Variants in ZNF213 observed in about 807,000 individuals in gnomAD.
ZNF213 encodes putative transcription factor CR53.
In ZNF213, 32 loss-of-function variants were observed where a neutral mutation model predicts 46.0. The ratio of observed to expected loss-of-function variants is 0.70; its 90% CI spans 0.52 to 0.93. The LOEUF (loss-of-function observed/expected upper bound fraction) is 0.93, where lower values mean the gene tolerates loss of function less well. Ranked by LOEUF, ZNF213 falls within the 40% of genes least tolerant of loss-of-function variation. The pLI, the probability that ZNF213 is intolerant of heterozygous loss-of-function variation, is 0.00. For missense variants in ZNF213, 639 were observed against 652.8 expected (o/e 0.98, Z 0.23); for synonymous variants, 297 against 271.0 (o/e 1.10, Z -0.94).
chr16:3,137,259 C>T lies in ZNF213; in HGVS notation c.-22C>T. ...TGGGGCCCAGGTTGAAGCCGACCAA[C>T]CCTGAGCCTCAGGCCAGGGGAATGG... On this transcript the variant is annotated 5_prime_UTR_variant, in exon 2 of 6. Transcript: ENST00000396878. 8.3e-6 allele frequency: 13 copies of T among 1,565,346 alleles called. No individual in the cohort carries two copies. Among genetic ancestry groups the T allele is most frequent in the Non-Finnish European group, 1.1e-5 (13 of 1,155,638 alleles).
In ZNF213 at chr16:3,142,243, C is replaced by T. The variant is rs897795735; in HGVS notation, c.*896C>T. 2.3e-5 allele frequency: 3 copies of T among 128,016 alleles called. No homozygotes were observed. The highest frequency in any genetic ancestry group is 6.2e-5 in the African/African-American group (2 of 32,098). 7.9% of individuals were successfully genotyped at this position (128,016 alleles called of 1,614,324 possible). A position where few individuals can be genotyped will look rare whatever the true frequency, so the allele number is the denominator to read the frequency against. On this transcript the variant is annotated 3_prime_UTR_variant, in exon 6 of 6. Transcript: ENST00000396878. ...GCTCCATCGGCACTAATGCTCCACT[C>T]GGCGCCCCACTCCATCGGCCCCGCT...
chr16:3,141,636 G>A lies in ZNF213; in HGVS notation c.*289G>A, dbSNP rs1242341149. On this transcript the variant is annotated 3_prime_UTR_variant, in exon 6 of 6. Transcript: ENST00000396878. Reference sequence around the variant, plus strand: ...CTGGAGCCCCAACACATTCCTGGCAGGGACAGCAGGGTGGCAAGGACTCAG... The same window carrying A: ...CTGGAGCCCCAACACATTCCTGGCAAGGACAGCAGGGTGGCAAGGACTCAG... The A allele has an allele frequency of 1.7e-5, 8 of 457,338 alleles. No homozygotes were observed. The highest frequency in any genetic ancestry group is 3.1e-5 in the Non-Finnish European group (8 of 258,592). 28.3% of individuals were successfully genotyped at this position (457,338 alleles called of 1,614,324 possible). A position where few individuals can be genotyped will look rare whatever the true frequency, so the allele number is the denominator to read the frequency against.
intron 5 of ZNF213, chr16:3,139,756 T>A (rs949908867): frequency 5.9e-5 from 9 of 152,172 alleles, no homozygotes; most frequent in African/African-American, 2.2e-4. Flanking sequence ...TTCTTTTTTT[T>A]TTTTTTGAGA....
In ZNF213 at chr16:3,141,223, A is replaced by T; in HGVS notation, c.1256A>T (p.His419Leu). The T allele has an allele frequency of 6.2e-7, 1 of 1,612,694 alleles. No individual in the cohort carries two copies. The highest frequency in any genetic ancestry group is 8.5e-7 in the Non-Finnish European group (1 of 1,179,928). The stretch of plus-strand genomic sequence containing the variant: ...TCGCTGCGCTCCTACCTGCTGGACC[A>T]TCGGCGTGTGCACACCGGTGAGCGG... ...SFSLRSYLLD[H>L]RRVHTGERPF... The change falls in exon 6 of 6, where the codon CAT becomes CTT. Residue 419 changes from histidine to leucine, a missense_variant. His to Leu is a moderately conservative substitution (Grantham distance 99, BLOSUM62 -3). Coordinates refer to ENST00000396878, the MANE Select transcript of ZNF213 (RefSeq NM_004220.3).
chr16:3,139,146 C>T, intron 5 of ZNF213, 48 bp downstream of exon 5: 2 of 1,601,424 alleles, frequency 1.2e-6, no homozygotes, highest in East Asian at 4.5e-5. Context: ...CCCGATTCTG[C>T]TGGAACTTCA....
rs760073161 is a variant in ZNF213, at chr16:3,137,343, G to A, written c.63G>A (p.Val21=). 6 of 1,613,356 alleles carry A rather than the reference G, an allele frequency of 3.7e-6. No individual in the cohort carries two copies. The highest frequency in any genetic ancestry group is 4.2e-6 in the Non-Finnish European group (5 of 1,179,628). Residue 21 remains valine (V), a synonymous_variant, in exon 2 of 6, where the codon GTG becomes GTA. Coordinates refer to ENST00000396878, the MANE Select transcript of ZNF213 (RefSeq NM_004220.3). The stretch of plus-strand genomic sequence containing the variant: ...GGGAGGGAGAAGGGCTTCTGATTGT[G>A]AAAGTGGAAGATTCCTCCTGGGAAC... The part of the protein sequence containing the change: ...APGEGEGLLI[V]KVEDSSWEQE...
At position 3,141,720 on chromosome 16, in the gene ZNF213, C is replaced by CA; in HGVS notation, c.*373_*374insA. 4.0e-6 allele frequency: 1 copy of CA among 246,918 alleles called. No homozygotes were observed. The highest frequency in any genetic ancestry group is 7.8e-6 in the Non-Finnish European group (1 of 128,822). 15.3% of individuals were successfully genotyped at this position (246,918 alleles called of 1,614,324 possible). A position where few individuals can be genotyped will look rare whatever the true frequency, so the allele number is the denominator to read the frequency against. ...ATTTGACTGTGTGGCTCTTTGGCCC[C>CA]CACCCTGTGGGGTGGGTCCATGGGT... On this transcript the variant is annotated 3_prime_UTR_variant, in exon 6 of 6. Transcript: ENST00000396878.
At position 3,139,114 on chromosome 16, in the gene ZNF213, C is replaced by T; in HGVS notation, c.721+16C>T. On this transcript the variant is annotated intron_variant, in intron 5 of 5. Transcript: ENST00000396878. ...ACCACCCTGGGTAAGCACCCAGGGC[C>T]TTTGGGTCCAGGCTGGCCGCCCCCG... 6.2e-7 allele frequency: 1 copy of T among 1,612,140 alleles called. No homozygotes were observed. Among genetic ancestry groups the T allele is most frequent in the South Asian group, 1.1e-5 (1 of 90,884 alleles).
intron 3 of ZNF213, 33 bp downstream of exon 3, chr16:3,138,574 G>A (rs758166034): frequency 6.2e-7 from 1 of 1,613,826 alleles, no homozygotes; most frequent in Admixed American, 1.7e-5. Flanking sequence ...GGACAGTCGA[G>A]TGGCTGGGCA....
chr16:3,139,295 T>G, intron 5 of ZNF213, 197 bp downstream of exon 5: 3 of 703,022 alleles, frequency 4.3e-6, no homozygotes, highest in Non-Finnish European at 4.5e-6. Flanking sequence ...GCGCCGGCGC[T>G]GCCCAGCCCT....
chr16:3,137,614 A>C lies in ZNF213; in HGVS notation c.334A>C (p.Ser112Arg). The C allele has an allele frequency of 1.2e-6, 2 of 1,613,936 alleles. No homozygotes were observed. Among genetic ancestry groups the C allele is most frequent in the Non-Finnish European group, 8.5e-7 (1 of 1,180,016 alleles). The change falls in exon 2 of 6, where the codon AGC (serine) becomes CGC (arginine). Residue 112 changes from serine (S) to arginine (R), a missense_variant. Coordinates refer to ENST00000396878, the MANE Select transcript of ZNF213 (RefSeq NM_004220.3). The stretch of plus-strand genomic sequence containing the variant: ...CTGGGTGCGTGAGCAGCACCCGGGA[A>C]GCGGTGAGGAGGCTGTCGCCTTGGT... ...QGWVREQHPGSGEEAVALVED... is the reference protein window; with the variant it reads ...QGWVREQHPGRGEEAVALVED...
rs1957565360 is a variant in ZNF213 at position 3,138,407 on chromosome 16, T to C, written c.400-11T>C. ...TCTCGGGCTGATGAGCATGTTGTGG[T>C]TCCTGCACAGGATGTGCCCTCGGAG... On this transcript the variant is annotated splice_polypyrimidine_tract_variant and intron_variant, in intron 2 of 5. Coordinates refer to ENST00000396878, the MANE Select transcript of ZNF213 (RefSeq NM_004220.3). The C allele has an allele frequency of 7.4e-6, 12 of 1,613,386 alleles. No homozygotes were observed. The highest frequency in any genetic ancestry group is 1.3e-5 in the African/African-American group (1 of 75,032).
chr16:3,136,644 C>A (rs1038423780), intron 1 of ZNF213, among the ~76,000 whole-genome samples: 1 of 151,080 alleles, frequency 6.6e-6, no homozygotes, highest in Non-Finnish European at 1.5e-5. Flanking sequence ...TTGAACCTGG[C>A]AGGCAGAGGT....
chr16:3,140,089 A>T (rs537161926), intron 5 of ZNF213: 1 of 152,228 alleles, frequency 6.6e-6, no homozygotes, highest in Non-Finnish European at 1.5e-5. Flanking sequence ...GTGGAGCTTG[A>T]TATCTGGGGT....
chr16:3,142,275 G>T lies in ZNF213; in HGVS notation c.*928G>T. ...CCACTCCATCGGCCCCGCTCCATCG[G>T]CACTAATGCCCCACTCGGCGCCCCA... On this transcript the variant is annotated 3_prime_UTR_variant, in exon 6 of 6. Coordinates refer to ENST00000396878, the MANE Select transcript of ZNF213 (RefSeq NM_004220.3). 1 of 193,142 alleles carries T rather than the reference G, an allele frequency of 5.2e-6. No individual in the cohort carries two copies. The highest frequency in any genetic ancestry group is 5.9e-5 in the South Asian group (1 of 17,092). The allele number at this position is 193,142 out of a possible 1,614,324, so 12.0% of individuals were successfully genotyped here.
chr16:3,141,487 C>CCCAGCCCGTGGGGTGAGCAG lies in ZNF213; in HGVS notation c.*141_*142insCAGCCCGTGGGGTGAGCAGC. The CCCAGCCCGTGGGGTGAGCAG allele has an allele frequency of 9.7e-7, 1 of 1,028,438 alleles. No individual in the cohort carries two copies. The highest frequency in any genetic ancestry group is 1.4e-6 in the Non-Finnish European group (1 of 732,482). 63.7% of individuals were successfully genotyped at this position (1,028,438 alleles called of 1,614,324 possible). Reference sequence around the variant, plus strand: ...CAGGGTACCTCACACTCGGAGCTCGCCTGCCCTGCTTGGCTCTGAGGACCT... The same window carrying CCCAGCCCGTGGGGTGAGCAG: ...CAGGGTACCTCACACTCGGAGCTCGCCCAGCCCGTGGGGTGAGCAGCTGCCCTGCTTGGCTCTGAGGACCT... On this transcript the variant is annotated 3_prime_UTR_variant, in exon 6 of 6. Coordinates refer to ENST00000396878, the MANE Select transcript of ZNF213 (RefSeq NM_004220.3).
chr16:3,138,683 G>A, intron 3 of ZNF213, 62 bp from the exon 4 acceptor site: 1 of 1,611,558 alleles, frequency 6.2e-7, no homozygotes, highest in South Asian at 1.1e-5. Context: ...AGGCTGGGGA[G>A]GCCATAGGCG....
At position 3,137,307 on chromosome 16, in the gene ZNF213, C is replaced by T. The variant is rs370701916; in HGVS notation, c.27C>T (p.Asp9=). The T allele has an allele frequency of 1.9e-6, 3 of 1,606,610 alleles. No homozygotes were observed. The highest frequency in any genetic ancestry group is 1.7e-4 in the Middle Eastern group (1 of 5,924). ...TGGCAGCCCCCTTGGAGGCCCAGGA[C>T]CAGGCCCCTGGGGAGGGAGAAGGGC... is the stretch of plus-strand genomic sequence containing the variant. MAAPLEAQ[D]QAPGEGEGLL... The change falls in exon 2 of 6, where the codon GAC becomes GAT. Residue 9 remains aspartate, a synonymous_variant. Coordinates refer to ENST00000396878, the MANE Select transcript of ZNF213 (RefSeq NM_004220.3).
rs2094633046 is a variant in ZNF213, at chr16:3,142,370, C to CGGCG, written c.*1023_*1024insGGCG. The CGGCG allele has an allele frequency of 6.3e-5, 10 of 159,928 alleles. No individual in the cohort carries two copies. Among genetic ancestry groups the CGGCG allele is most frequent in the South Asian group, 2.8e-4 (4 of 14,102 alleles). 9.9% of individuals were successfully genotyped at this position (159,928 alleles called of 1,614,324 possible). A position where few individuals can be genotyped will look rare whatever the true frequency, so the allele number is the denominator to read the frequency against. ...ACTCCAGCGGCACTAATGACCCGCT[C>CGGCG]CTTTGACATTGGTGCCCCACTCCAT... On this transcript the variant is annotated 3_prime_UTR_variant, in exon 6 of 6. Transcript: ENST00000396878.
Sources: allele counts gnomAD v4.1 joint callset (sites outside exome capture counted in the v4.1 genomes callset), GRCh38; gene constraint gnomAD v4.1.1; transcripts MANE v1.5; gene names NCBI Gene and HGNC (gene_info 2026-07-23, HGNC 2026-07-21).